Variants in XKR6 observed in about 807,000 individuals in gnomAD.
XKR6 encodes the protein XK related 6, also known as XK-related protein 6.
Under a neutral mutation model 56.7 loss-of-function variants are expected in XKR6, and 22 were observed. That is an observed-to-expected ratio of 0.39 (90% CI 0.28 to 0.55). The LOEUF is 0.55. Ranked by LOEUF, XKR6 falls within the 20% of genes least tolerant of loss-of-function variation. The probability of loss-of-function intolerance (pLI) is 0.66; values close to 1 mark genes in which losing one functional copy is unlikely to be tolerated. For synonymous variants in XKR6, 524 were observed against 387.8 expected (o/e 1.35, Z -4.13); for missense variants, 852 against 889.0 (o/e 0.96, Z 0.53).
intron 1 of XKR6, among the ~76,000 whole-genome samples, chr8:11,131,952 G>A (rs1487042653): frequency 6.6e-6 from 1 of 152,114 alleles, no homozygotes; most frequent in African/African-American, 2.4e-5. Flanking sequence ...GCATTTCTCA[G>A]AACATTATTG....
intron 1 of XKR6, among the ~76,000 whole-genome samples, chr8:10,993,167 ATCT>A (rs1310000023): frequency 6.6e-6 from 1 of 152,362 alleles, no homozygotes; most frequent in African/African-American, 2.4e-5. Flanking sequence ...TAGTAAAGTA[ATCT>A]TCTGAGTGAC....
chr8:11,189,078 C>T (rs1232325393), intron 1 of XKR6, among the ~76,000 whole-genome samples: 11 of 152,196 alleles, frequency 7.2e-5, no homozygotes, highest in African/African-American at 2.7e-4. Context: ...TTCTTCTCTG[C>T]TCCCTTCTTT....
At chr8:11,181,274 T>TA (rs1371496897) in intron 1 of XKR6, among the ~76,000 whole-genome samples, 3 of 152,232 alleles carry the variant, frequency 2.0e-5, no homozygotes, top group Non-Finnish European at 4.4e-5. Context: ...ATGTATGATA[T>TA]TTCATAATGA....
intron 1 of XKR6, among the ~76,000 whole-genome samples, chr8:11,104,119 G>C (rs1389090331): frequency 1.3e-5 from 2 of 152,206 alleles, no homozygotes; most frequent in Non-Finnish European, 2.9e-5. Flanking sequence ...ATAATTCAAT[G>C]TCGGGCCTCC....
At chr8:11,069,165 A>C (rs13248300) in intron 1 of XKR6, among the ~76,000 whole-genome samples, 54,295 of 151,736 alleles carry the variant, frequency 0.36, 11,235 homozygotes, top group African/African-American at 0.55. Flanking sequence ...ATCCTCCTTA[A>C]TGGGATAAAG....
intron 1 of XKR6, among the ~76,000 whole-genome samples, chr8:10,938,034 T>C (rs1465183546): frequency 6.6e-6 from 1 of 152,110 alleles, no homozygotes; most frequent in East Asian, 1.9e-4. Flanking sequence ...CTCAGACTGC[T>C]GTGCCAGCAA....
chr8:11,164,924 T>A (rs1449240929), intron 1 of XKR6, among the ~76,000 whole-genome samples: 1 of 152,102 alleles, frequency 6.6e-6, no homozygotes, highest in East Asian at 1.9e-4. Flanking sequence ...CCCACCTGCC[T>A]ACCTTCCCAC....
intron 1 of XKR6, among the ~76,000 whole-genome samples, chr8:11,193,115 G>C (rs183922946): frequency 8.5e-4 from 130 of 152,274 alleles, no homozygotes; most frequent in African/African-American, 2.2e-3. Flanking sequence ...CCTCCAAGAG[G>C]GTGGTGAAGA....
At chr8:10,944,058 C>A (rs771697550) in intron 1 of XKR6, among the ~76,000 whole-genome samples, 1 of 152,108 alleles carries the variant, frequency 6.6e-6, no homozygotes, top group African/African-American at 2.4e-5. Flanking sequence ...AAGAGAGAAG[C>A]CTCTCCAGCT....
At chr8:10,937,578 C>T (rs376877621) in intron 1 of XKR6, among the ~76,000 whole-genome samples, 16 of 149,024 alleles carry the variant, frequency 1.1e-4, no homozygotes, top group East Asian at 9.9e-4. Flanking sequence ...GATGGGTTTT[C>T]GGTGTGGATG....
At chr8:10,997,264 T>C (rs1345536773) in intron 1 of XKR6, among the ~76,000 whole-genome samples, 1 of 152,174 alleles carries the variant, frequency 6.6e-6, no homozygotes, top group Non-Finnish European at 1.5e-5. Flanking sequence ...TACATACCTG[T>C]TTTTTTCTGT....
At chr8:10,966,874 C>G (rs7013277) in intron 1 of XKR6, among the ~76,000 whole-genome samples, 3 of 151,696 alleles carry the variant, frequency 2.0e-5, no homozygotes, top group Non-Finnish European at 2.9e-5. Context: ...CCTGACGAGC[C>G]CTTCCAGTAA....
At chr8:10,922,387 C>T (rs1470865545) in intron 2 of XKR6, among the ~76,000 whole-genome samples, 1 of 152,346 alleles carries the variant, frequency 6.6e-6, no homozygotes, top group Admixed American at 6.5e-5. Context: ...CACCAGGGAA[C>T]CGGACATTGC....
At chr8:11,175,396 CCGT>C (rs1802603130) in intron 1 of XKR6, 1 of 180,162 alleles carries the variant, frequency 5.6e-6, no homozygotes, top group Non-Finnish European at 1.2e-5. Flanking sequence ...CTAAGATGCA[CCGT>C]CGGACTTACA....
chr8:11,004,675 A>G (rs1239054674), intron 1 of XKR6, among the ~76,000 whole-genome samples: 10 of 152,192 alleles, frequency 6.6e-5, no homozygotes, highest in Admixed American at 5.9e-4. Context: ...TGAGCCAGCA[A>G]TTCCTCTTCT....
chr8:10,907,954 T>C (rs1800229012), intron 2 of XKR6, among the ~76,000 whole-genome samples: 1 of 152,218 alleles, frequency 6.6e-6, no homozygotes, highest in African/African-American at 2.4e-5. Flanking sequence ...CCCAACACTC[T>C]ATCCACACTA....
intron 1 of XKR6, among the ~76,000 whole-genome samples, chr8:11,070,734 C>T (rs976398028): frequency 3.9e-5 from 6 of 152,146 alleles, no homozygotes; most frequent in African/African-American, 1.4e-4. Context: ...TCATAAAATC[C>T]TTACATAGGA....
At chr8:11,092,578 A>T (rs1798110042) in intron 1 of XKR6, among the ~76,000 whole-genome samples, 1 of 152,102 alleles carries the variant, frequency 6.6e-6, no homozygotes, top group South Asian at 2.1e-4. Flanking sequence ...TTAGAAAGAG[A>T]AACTGCTGAT....
intron 1 of XKR6, among the ~76,000 whole-genome samples, chr8:11,050,373 A>ATT (rs199883610): frequency 8.3e-6 from 1 of 121,116 alleles, no homozygotes; most frequent in African/African-American, 2.7e-5. Context: ...TCTCCTCATC[A>ATT]GTGTAAAATA....
Sources: gnomAD v4.1 joint callset for allele counts (sites outside exome capture counted in the v4.1 genomes callset) on GRCh38, gnomAD v4.1.1 for gene constraint, MANE v1.5 for transcripts, NCBI Gene and HGNC (gene_info 2026-07-23, HGNC 2026-07-21) for gene names.